The following LINGO2 variants were observed in gnomAD, a reference collection of about 807,000 sequenced individuals.
The protein encoded by LINGO2 is leucine rich repeat and Ig domain containing 2, also known as leucine-rich repeat and immunoglobulin-like domain-containing nogo receptor-interacting protein 2.
A neutral mutation model predicts 30.6 loss-of-function variants in LINGO2; 14 were observed. The observed-to-expected ratio is 0.46, with a 90% CI of 0.30 to 0.72. The LOEUF (loss-of-function observed/expected upper bound fraction) is 0.72, where lower values mean the gene tolerates loss of function less well. Among genes scored for constraint, LINGO2 ranks in the 30% least tolerant of loss-of-function variants. The pLI, the probability that LINGO2 is intolerant of heterozygous loss-of-function variation, is 0.07. For missense variants in LINGO2, 729 were observed against 751.7 expected (o/e 0.97, Z 0.35); for synonymous variants, 317 against 288.5 (o/e 1.10, Z -1.00).
the LINGO2 span, among the ~76,000 whole-genome samples, chr9:29,211,486 C>G: frequency 0.011 from 1,653 of 152,214 alleles, 37 homozygotes; most frequent in African/African-American, 0.037. Context: ...CTCACTCCCC[C>G]ACCTCAAACA....
the LINGO2 span, among the ~76,000 whole-genome samples, chr9:28,808,011 A>G: frequency 2.0e-5 from 3 of 152,244 alleles, no homozygotes; most frequent in African/African-American, 7.2e-5. Context: ...GACACATTGT[A>G]CAACTTTTAG....
chr9:28,544,074 C>A (rs1821824776), intron 1 of LINGO2, among the ~76,000 whole-genome samples: 1 of 151,816 alleles, frequency 6.6e-6, no homozygotes, highest in Non-Finnish European at 1.5e-5. Context: ...ATGCTGGCGT[C>A]TACCTGTAGT....
chr9:28,862,688 G>T, the LINGO2 span, among the ~76,000 whole-genome samples: 1 of 152,018 alleles, frequency 6.6e-6, no homozygotes, highest in Admixed American at 6.6e-5. Flanking sequence ...GTCCAGATGT[G>T]TCACTTAAGA....
chr9:28,249,690 A>G (rs1822126098), intron 4 of LINGO2, among the ~76,000 whole-genome samples: 1 of 152,202 alleles, frequency 6.6e-6, no homozygotes, highest in African/African-American at 2.4e-5. Context: ...ATGCTTAATG[A>G]GACGGCAAGC....
chr9:28,641,484 C>T (rs1456453456), intron 1 of LINGO2, among the ~76,000 whole-genome samples: 1 of 152,132 alleles, frequency 6.6e-6, no homozygotes, highest in African/African-American at 2.4e-5. Flanking sequence ...ATTCACATAG[C>T]CCAATATACC....
chr9:28,607,010 A>T (rs1825721745), intron 1 of LINGO2, among the ~76,000 whole-genome samples: 1 of 152,054 alleles, frequency 6.6e-6, no homozygotes, highest in African/African-American at 2.4e-5. Flanking sequence ...ATTTACAGCA[A>T]ATCAATTGAA....
At chr9:27,973,556 GAT>G (rs1820453108) in intron 5 of LINGO2, among the ~76,000 whole-genome samples, 2 of 152,186 alleles carry the variant, frequency 1.3e-5, no homozygotes, top group Non-Finnish European at 2.9e-5. Context: ...TTTAAGGAAG[GAT>G]ATGTTTCAAC....
rs1183550428 is a variant in LINGO2, at chr9:28,588,109, AAC to A, written c.-365+82089_-365+82090del. 6.6e-5 allele frequency among the ~76,000 whole-genome samples: 10 copies of A among 152,002 alleles called. 1 individual carries two copies. The highest frequency in any genetic ancestry group is 6.6e-4 in the Admixed American group (10 of 15,234). ...GAGGAAAGAATCATATAAGGATTTG[AAC>A]ACACTGGGGCTAGAAAGTGACTTGT... On this transcript the variant is annotated intron_variant, in intron 1 of 5. Coordinates refer to ENST00000379992, the Ensembl canonical transcript of LINGO2.
At chr9:28,460,455 C>T (rs1181013320) in intron 2 of LINGO2, among the ~76,000 whole-genome samples, 1 of 152,044 alleles carries the variant, frequency 6.6e-6, no homozygotes, top group African/African-American at 2.4e-5. Flanking sequence ...CTCAGCCTTG[C>T]AGTATAGGTG....
At chr9:28,877,728 A>G in the LINGO2 span, among the ~76,000 whole-genome samples, 14 of 152,076 alleles carry the variant, frequency 9.2e-5, no homozygotes, top group Admixed American at 2.0e-4. Flanking sequence ...TTGACTTGGC[A>G]ATGCAGGCTC....
chr9:28,045,643 T>C (rs909482850), intron 4 of LINGO2, among the ~76,000 whole-genome samples: 1 of 152,150 alleles, frequency 6.6e-6, no homozygotes, highest in East Asian at 1.9e-4. Context: ...ATTTAATACT[T>C]ACAGATATTT....
chr9:28,596,181 T>C (rs1359371012), intron 1 of LINGO2, among the ~76,000 whole-genome samples: 1 of 152,150 alleles, frequency 6.6e-6, no homozygotes, highest in Non-Finnish European at 1.5e-5. Flanking sequence ...CATTTTCCTT[T>C]TTTCATACCT....
chr9:28,110,242 T>C (rs956627031), intron 4 of LINGO2, among the ~76,000 whole-genome samples: 2 of 151,824 alleles, frequency 1.3e-5, no homozygotes, highest in Non-Finnish European at 2.9e-5. Context: ...ATAAAAATTA[T>C]CTCAAGATGT....
At chr9:28,670,676 A>G (rs1158918155), upstream of LINGO2, among the ~76,000 whole-genome samples, 2 of 152,272 alleles carry the variant, frequency 1.3e-5, no homozygotes, top group East Asian at 3.9e-4. Flanking sequence ...AGCTTTTACC[A>G]CTGGCTACTT....
At chr9:28,068,743 AG>A (rs1263709245) in intron 4 of LINGO2, among the ~76,000 whole-genome samples, 1 of 152,192 alleles carries the variant, frequency 6.6e-6, no homozygotes, top group Non-Finnish European at 1.5e-5. Context: ...AGTCTCAGAC[AG>A]GGAAAGCCAA....
intron 1 of LINGO2, among the ~76,000 whole-genome samples, chr9:28,636,430 A>C (rs1827278360): frequency 6.6e-6 from 1 of 152,174 alleles, no homozygotes; most frequent in South Asian, 2.1e-4. Context: ...ACTAGTTTAT[A>C]GTCCCACCAA....
chr9:29,116,077 G>A, the LINGO2 span, among the ~76,000 whole-genome samples: 1 of 151,854 alleles, frequency 6.6e-6, no homozygotes, highest in Non-Finnish European at 1.5e-5. Flanking sequence ...AGAAATCAGA[G>A]GATAAGCTGG....
At chr9:28,315,624 G>C (rs1035234133) in intron 3 of LINGO2, among the ~76,000 whole-genome samples, 1 of 152,122 alleles carries the variant, frequency 6.6e-6, no homozygotes, top group Non-Finnish European at 1.5e-5. Flanking sequence ...CTGGTTAAGT[G>C]AAAGAGATCT....
At chr9:28,747,021 A>G in the LINGO2 span, among the ~76,000 whole-genome samples, 2 of 151,998 alleles carry the variant, frequency 1.3e-5, no homozygotes, top group Non-Finnish European at 2.9e-5. Flanking sequence ...CCCCAGGGCA[A>G]AGCCCCACCT....
Sources: gnomAD v4.1 joint callset for allele counts (sites outside exome capture counted in the v4.1 genomes callset) on GRCh38, gnomAD v4.1.1 for gene constraint, MANE v1.5 for transcripts, NCBI Gene and HGNC (gene_info 2026-07-23, HGNC 2026-07-21) for gene names.